The following RBFOX1 variants were observed in gnomAD, a reference collection of about 807,000 sequenced individuals.
RBFOX1 encodes the protein RNA binding fox-1 homolog 1.
Under a neutral mutation model 57.7 loss-of-function variants are expected in RBFOX1, and 8 were observed. The ratio of observed to expected loss-of-function variants is 0.14; its 90% CI spans 0.08 to 0.25. RBFOX1 has a LOEUF of 0.25. Ranked by LOEUF, RBFOX1 falls within the 10% of genes least tolerant of loss-of-function variation. The pLI, the probability that RBFOX1 is intolerant of heterozygous loss-of-function variation, is 1.00. For missense variants in RBFOX1, 611 were observed against 548.5 expected (o/e 1.11, Z -1.14); for synonymous variants, 326 against 222.4 (o/e 1.47, Z -4.15).
chr16:6,123,094 G>C (rs1312737742), intron 1 of RBFOX1, among the ~76,000 whole-genome samples: 1 of 152,056 alleles, frequency 6.6e-6, no homozygotes, highest in African/African-American at 2.4e-5. Context: ...AATTTTAGGA[G>C]ATCCCTCAAA....
chr16:7,332,714 G>T, intron 4 of RBFOX1: 1 of 1,128,048 alleles, frequency 8.9e-7, no homozygotes, highest in Non-Finnish European at 1.2e-6. Context: ...AAGAGTATTT[G>T]GTTAGTCATG....
chr16:6,815,496 G>A (rs2031384790), intron 3 of RBFOX1, among the ~76,000 whole-genome samples: 1 of 152,224 alleles, frequency 6.6e-6, no homozygotes, highest in African/African-American at 2.4e-5. Context: ...AAGGAGATAT[G>A]ATTATATTTC....
chr16:7,039,178 C>T (rs1164891585), intron 3 of RBFOX1, among the ~76,000 whole-genome samples: 1 of 152,156 alleles, frequency 6.6e-6, no homozygotes, highest in South Asian at 2.1e-4. Context: ...GGACTCTTAG[C>T]CATAAATTAA....
intron 4 of RBFOX1, among the ~76,000 whole-genome samples, chr16:7,061,050 G>C (rs1243859940): frequency 6.6e-6 from 1 of 151,550 alleles, no homozygotes; most frequent in Non-Finnish European, 1.5e-5. Context: ...ACGTGCACGT[G>C]CACACATACA....
chr16:7,392,550 A>G (rs2098051614), intron 4 of RBFOX1, among the ~76,000 whole-genome samples: 1 of 152,178 alleles, frequency 6.6e-6, no homozygotes, highest in Admixed American at 6.5e-5. Context: ...GAAGGCAGGC[A>G]TGTTCATATT....
At chr16:5,991,385 G>C (rs1464193399) in intron 4 of RBFOX1, among the ~76,000 whole-genome samples, 1 of 152,180 alleles carries the variant, frequency 6.6e-6, no homozygotes, top group African/African-American at 2.4e-5. Context: ...AGAGTAGAGC[G>C]CCGTGGGCTG....
chr16:6,128,199 T>C lies in RBFOX1; in HGVS notation c.-127+108207T>C, dbSNP rs1265547425. Reference sequence around the variant, plus strand: ...ATTATTCAATAGAATAAACTTTTGATATATTGGGTTAAATTCAATATATTA... The same window carrying C: ...ATTATTCAATAGAATAAACTTTTGACATATTGGGTTAAATTCAATATATTA... On this transcript the variant is annotated intron_variant, in intron 1 of 15. Transcript: ENST00000550418. Among the ~76,000 whole-genome samples the C allele has an allele frequency of 2.6e-5, 4 of 152,358 alleles. No homozygotes were observed. In the East Asian group the frequency reaches 7.7e-4, roughly 29 times the overall value.
chr16:6,900,904 C>G (rs192557169), intron 3 of RBFOX1, among the ~76,000 whole-genome samples: 2 of 152,160 alleles, frequency 1.3e-5, no homozygotes, highest in African/African-American at 2.4e-5. Context: ...TGCTAGATCC[C>G]CAGCATTTTG....
intron 2 of RBFOX1, among the ~76,000 whole-genome samples, chr16:6,319,896 A>G (rs553207539): frequency 3.3e-5 from 5 of 152,266 alleles, no homozygotes; most frequent in African/African-American, 1.2e-4. Flanking sequence ...CATCATGTTT[A>G]TAATTAATTA....
intron 1 of RBFOX1, among the ~76,000 whole-genome samples, chr16:6,228,423 A>G (rs1235925937): frequency 2.6e-4 from 3 of 11,748 alleles, no homozygotes; most frequent in Admixed American, 2.0e-3. Context: ...TTTAACACAC[A>G]CACAGACACA....
chr16:6,525,652 C>T (rs566622597), intron 2 of RBFOX1, among the ~76,000 whole-genome samples: 12 of 152,050 alleles, frequency 7.9e-5, no homozygotes, highest in Admixed American at 2.6e-4. Flanking sequence ...GAGAGAACCC[C>T]GTCTCTACTT....
intron 10 of RBFOX1, among the ~76,000 whole-genome samples, chr16:7,612,799 T>C (rs1163108609): frequency 2.0e-5 from 3 of 152,164 alleles, no homozygotes; most frequent in African/African-American, 2.4e-5. Context: ...TGTTTCTCAA[T>C]TGCCAGTAAA....
chr16:6,650,865 A>C (rs1347933530), intron 2 of RBFOX1, among the ~76,000 whole-genome samples: 1 of 152,142 alleles, frequency 6.6e-6, no homozygotes, highest in Non-Finnish European at 1.5e-5. Context: ...AGACTTAACC[A>C]CAATGGAGTC....
rs115978573 is a variant in RBFOX1, at chr16:7,003,748, C to G, written c.-15-48309C>G. ...TAAGTTAGTATGTATTAGAAAAAAA[C>G]ATGATATGCACATCAAGTCTAATTT... On this transcript the variant is annotated intron_variant, in intron 3 of 15. Coordinates refer to ENST00000550418, the MANE Select transcript of RBFOX1 (RefSeq NM_018723.4). Among the ~76,000 whole-genome samples the G allele has an allele frequency of 6.7e-3, 1,019 of 152,148 alleles. 9 individuals are homozygous for G. The highest frequency in any genetic ancestry group is 0.023 in the African/African-American group (955 of 41,508).
chr16:6,004,185 C>A (rs759991971), intron 4 of RBFOX1, among the ~76,000 whole-genome samples: 22 of 152,102 alleles, frequency 1.4e-4, no homozygotes, highest in Non-Finnish European at 2.9e-4. Context: ...TATCCTGAAA[C>A]TTAAGATAAA....
At chr16:6,984,843 A>G (rs1251643093) in intron 3 of RBFOX1, among the ~76,000 whole-genome samples, 1 of 151,956 alleles carries the variant, frequency 6.6e-6, no homozygotes, top group South Asian at 2.1e-4. Context: ...GTTTCACCAT[A>G]TTGGTCAGGC....
chr16:6,397,314 C>A (rs2534742), intron 2 of RBFOX1, among the ~76,000 whole-genome samples: 53,329 of 151,884 alleles, frequency 0.35, 9,570 homozygotes, highest in East Asian at 0.55. Flanking sequence ...GAGGCATTTC[C>A]TACATGGGGC....
intron 2 of RBFOX1, among the ~76,000 whole-genome samples, chr16:6,652,426 G>A (rs1043936354): frequency 4.6e-5 from 7 of 151,710 alleles, no homozygotes; most frequent in African/African-American, 7.3e-5. Flanking sequence ...CCAGTCTGGC[G>A]ACAGAGCTAG....
chr16:5,830,450 C>T (rs1236725592), intron 3 of RBFOX1, among the ~76,000 whole-genome samples: 1 of 151,814 alleles, frequency 6.6e-6, no homozygotes, highest in Non-Finnish European at 1.5e-5. Context: ...CACAGACTCG[C>T]CACTGAGGGA....
Sources: allele counts gnomAD v4.1 joint callset (sites outside exome capture counted in the v4.1 genomes callset), GRCh38; gene constraint gnomAD v4.1.1; transcripts MANE v1.5; gene names NCBI Gene and HGNC (gene_info 2026-07-23, HGNC 2026-07-21).